The following CSMD3 variants were observed in gnomAD, a reference collection of about 807,000 sequenced individuals.
The protein encoded by CSMD3 is CUB and sushi domain-containing protein 3.
CSMD3 carries 177 observed loss-of-function variants against 435.2 expected under a neutral mutation model. The ratio of observed to expected loss-of-function variants is 0.41; its 90% CI spans 0.36 to 0.46. CSMD3 has a LOEUF of 0.46. Ranked by LOEUF, CSMD3 falls within the 20% of genes least tolerant of loss-of-function variation. The probability of loss-of-function intolerance (pLI) is 0.34; values close to 1 mark genes in which losing one functional copy is unlikely to be tolerated. For missense variants in CSMD3, 4,265 were observed against 4,504.6 expected (o/e 0.95, Z 1.52); for synonymous variants, 1,656 against 1,520.5 (o/e 1.09, Z -2.07).
intron 1 of CSMD3, among the ~76,000 whole-genome samples, chr8:113,368,441 A>G (rs2094326990): frequency 6.6e-6 from 1 of 152,164 alleles, no homozygotes; most frequent in Non-Finnish European, 1.5e-5. Context: ...TACAATGTAT[A>G]TCTCTATGAG....
Position 112,685,709 on chromosome 8 carries a change from C to T in CSMD3, c.2179G>A (p.Ala727Thr), listed in dbSNP as rs747380854. The T allele has an allele frequency of 6.2e-7, 1 of 1,611,588 alleles. No homozygotes were observed. The highest frequency in any genetic ancestry group is 8.5e-7 in the Non-Finnish European group (1 of 1,178,064). Reference sequence around the variant, plus strand: ...GGAGAAAGAACTGTTCCCATTGGTGCAGTAAAGTTAGACAGGCAGGGAACT... The same window carrying T: ...GGAGAAAGAACTGTTCCCATTGGTGTAGTAAAGTTAGACAGGCAGGGAACT... ...CIFPCLSNFT[A>T]PMGTVLSPDY... The change falls in exon 15 of 71, where the codon GCA becomes ACA. Residue 727 changes from alanine (A) to threonine (T), a missense_variant. By Grantham distance (58) the Ala-to-Thr change is moderately conservative. Coordinates refer to ENST00000297405, the MANE Select transcript of CSMD3 (RefSeq NM_198123.2).
intron 38 of CSMD3, among the ~76,000 whole-genome samples, chr8:112,369,718 G>T (rs1307707422): frequency 6.6e-6 from 1 of 151,862 alleles, no homozygotes; most frequent in Non-Finnish European, 1.5e-5. Context: ...GTTGGGAGTT[G>T]GGGTGCAAGG....
chr8:113,218,903 A>G (rs1335797271), intron 3 of CSMD3, among the ~76,000 whole-genome samples: 1 of 151,280 alleles, frequency 6.6e-6, no homozygotes, highest in African/African-American at 2.4e-5. Flanking sequence ...ATTTCTATAT[A>G]CCTTATACAT....
At chr8:112,259,461 G>T (rs1391758542) in intron 61 of CSMD3, among the ~76,000 whole-genome samples, 1 of 152,050 alleles carries the variant, frequency 6.6e-6, no homozygotes, top group East Asian at 1.9e-4. Context: ...TCTAGGGGAG[G>T]CACAGCATTA....
At chr8:113,180,803 T>C (rs1246003462) in intron 3 of CSMD3, among the ~76,000 whole-genome samples, 3 of 152,024 alleles carry the variant, frequency 2.0e-5, no homozygotes, top group East Asian at 1.9e-4. Context: ...TACATAGTTA[T>C]GTGATTCAAT....
chr8:112,386,648 C>T (rs1385054534), intron 36 of CSMD3, among the ~76,000 whole-genome samples: 1 of 152,086 alleles, frequency 6.6e-6, no homozygotes, highest in Non-Finnish European at 1.5e-5. Context: ...CAGGCGCCCG[C>T]CACCACGCCC....
At chr8:112,740,332 A>G (rs981674521) in intron 13 of CSMD3, among the ~76,000 whole-genome samples, 1 of 151,392 alleles carries the variant, frequency 6.6e-6, no homozygotes, top group African/African-American at 2.4e-5. Flanking sequence ...ATAAAAAATA[A>G]TTTCTTATTC....
chr8:112,806,323 C>T (rs1321691979), intron 12 of CSMD3, among the ~76,000 whole-genome samples: 1 of 152,140 alleles, frequency 6.6e-6, no homozygotes, highest in African/African-American at 2.4e-5. Context: ...AATTTTAACT[C>T]AAAAGTTGGG....
intron 13 of CSMD3, among the ~76,000 whole-genome samples, chr8:112,695,216 C>CT (rs1045311411): frequency 6.6e-6 from 1 of 152,126 alleles, no homozygotes; most frequent in African/African-American, 2.4e-5. Flanking sequence ...CTTTCCAGTT[C>CT]TTTTTTCAAG....
intron 59 of CSMD3, among the ~76,000 whole-genome samples, chr8:112,266,429 A>G (rs1734465267): frequency 6.6e-6 from 1 of 152,232 alleles, no homozygotes; most frequent in Non-Finnish European, 1.5e-5. Context: ...GAAGGCAACA[A>G]GGCAGACTGC....
chr8:112,952,880 C>T (rs955734913), intron 8 of CSMD3, among the ~76,000 whole-genome samples: 4 of 150,940 alleles, frequency 2.7e-5, no homozygotes, highest in Non-Finnish European at 4.5e-5. Context: ...AATTTTTTTT[C>T]CTAGATATAC....
chr8:113,399,348 CA>C (rs1318895445), intron 1 of CSMD3, among the ~76,000 whole-genome samples: 1 of 151,236 alleles, frequency 6.6e-6, no homozygotes, highest in Non-Finnish European at 1.5e-5. Context: ...TAAAAATATA[CA>C]TTCACAGAAA....
At chr8:112,641,464 C>T (rs537277554) in intron 20 of CSMD3, among the ~76,000 whole-genome samples, 181 of 152,234 alleles carry the variant, frequency 1.2e-3, no homozygotes, top group Non-Finnish European at 1.1e-3. Context: ...CTGGTTAATA[C>T]AACTCAATAT....
chr8:112,794,285 C>CCT (rs2078767457), intron 13 of CSMD3, among the ~76,000 whole-genome samples: 5 of 96,302 alleles, frequency 5.2e-5, no homozygotes. Flanking sequence ...GACTGATAAA[C>CCT]TTTTTTTTTT....
chr8:112,436,736 T>C (rs1337317061), intron 32 of CSMD3, among the ~76,000 whole-genome samples: 2 of 152,012 alleles, frequency 1.3e-5, no homozygotes, highest in Non-Finnish European at 2.9e-5. Context: ...ACTTGCATTG[T>C]TATTCAGTAG....
chr8:113,376,761 T>C, intron 1 of CSMD3: 1 of 1,613,958 alleles, frequency 6.2e-7, no homozygotes, highest in Non-Finnish European at 8.5e-7. Flanking sequence ...TCGGTCAAGC[T>C]GTACAGGTTT....
At chr8:113,228,016 T>G (rs2093046798) in intron 3 of CSMD3, among the ~76,000 whole-genome samples, 1 of 151,610 alleles carries the variant, frequency 6.6e-6, no homozygotes. Context: ...TTTTTTTAAA[T>G]TTCACCTCTC....
chr8:113,320,532 T>G (rs1175457505), intron 1 of CSMD3, among the ~76,000 whole-genome samples: 2 of 152,150 alleles, frequency 1.3e-5, no homozygotes, highest in East Asian at 3.9e-4. Flanking sequence ...TCCAGCCATC[T>G]TCACAAAACA....
In CSMD3 at chr8:112,556,853, T is replaced by C. The variant is rs1828164728; in HGVS notation, c.4144A>G (p.Asn1382Asp). 2 of 1,612,128 alleles carry C rather than the reference T, an allele frequency of 1.2e-6. No homozygotes were observed. Among genetic ancestry groups the C allele is most frequent in the Non-Finnish European group, 1.7e-6 (2 of 1,178,694 alleles). The change falls in exon 25 of 71, where the codon AAT becomes GAT. Residue 1382 changes from asparagine to aspartate, a missense_variant. Physicochemically the swap from Asn to Asp is conservative, Grantham distance 23. Coordinates refer to ENST00000297405, the MANE Select transcript of CSMD3 (RefSeq NM_198123.2). ...CTTCCGTGGAGAGTGTAGCCTGGAT[T>C]GCATCCATAAATGATGGTGCTACCA... ...FAGSTIIYGC[N>D]PGYTLHGSSL...
Sources: gnomAD v4.1 joint callset for allele counts (sites outside exome capture counted in the v4.1 genomes callset) on GRCh38, gnomAD v4.1.1 for gene constraint, MANE v1.5 for transcripts, NCBI Gene and HGNC (gene_info 2026-07-23, HGNC 2026-07-21) for gene names.